P2RX2: variants seen among roughly 807,000 people sequenced by gnomAD.
The protein encoded by P2RX2 is purinergic receptor P2X 2.
A neutral mutation model predicts 54.8 loss-of-function variants in P2RX2; 50 were observed. The ratio of observed to expected loss-of-function variants is 0.91; its 90% confidence interval spans 0.73 to 1.15. The LOEUF (loss-of-function observed/expected upper bound fraction) is 1.15. Ranked by LOEUF, P2RX2 falls within the 50% of genes most tolerant of loss-of-function variation. The pLI, the probability that P2RX2 is intolerant of heterozygous loss-of-function variation, is 0.00. For missense variants in P2RX2, 658 were observed against 633.2 expected (o/e 1.04, Z -0.42); for synonymous variants, 289 against 259.4 (o/e 1.11, Z -1.09).
chr12:132,620,681 G>C (rs918036600), intron 7 of P2RX2, 98 bp downstream of exon 7: 5 of 1,322,314 alleles, frequency 3.8e-6, no homozygotes, highest in Non-Finnish European at 5.2e-6. Flanking sequence ...CTCCTGACCA[G>C]CTGGCCCCGC....
intron 5 of P2RX2, 55 bp from the exon 6 acceptor site, chr12:132,620,212 C>T: frequency 6.4e-7 from 1 of 1,555,284 alleles, no homozygotes; most frequent in Non-Finnish European, 8.9e-7. Flanking sequence ...GGGCCAATGC[C>T]AGGCGGGGGC....
Position 132,621,269 on chromosome 12 carries a change from A to G in P2RX2, c.920A>G (p.Tyr307Cys), listed in dbSNP as rs2138389434. 4 of 1,613,994 alleles carry G rather than the reference A, an allele frequency of 2.5e-6. No individual in the cohort carries two copies. The highest frequency in any genetic ancestry group is 2.2e-5 in the East Asian group (1 of 44,876). ...SGYNFRFAKY[Y>C]KINGTTTRTL... ...TCCCATTGCAGGTTTGCCAAATACTACAAGATCAATGGCACCACCACCCGC... is the reference window on the plus strand; with the variant it reads ...TCCCATTGCAGGTTTGCCAAATACTGCAAGATCAATGGCACCACCACCCGC... Residue 307 changes from tyrosine to cysteine, a missense_variant, in exon 9 of 11, where the codon TAC becomes TGC. Transcript: ENST00000643471.
At position 132,619,443 on chromosome 12, in the gene P2RX2, G is replaced by A. The variant is rs587777692; in HGVS notation, c.178G>A (p.Val60Ile). ...CGGCGCCGCCCCTGCCCGCAGGTAC[G>A]TATTCATCGTGCAGAAAAGCTACCA... The part of the protein sequence containing the change: ...LLILLYFVWY[V>I]FIVQKSYQES... The change falls in exon 2 of 11, where the codon GTA (valine) becomes ATA (isoleucine). Residue 60 changes from valine to isoleucine, a missense_variant. Val to Ile is a conservative substitution (Grantham distance 29). Transcript: ENST00000643471. 1 of 1,611,968 alleles carries A rather than the reference G, an allele frequency of 6.2e-7. No individual in the cohort carries two copies. Among genetic ancestry groups the A allele is most frequent in the Non-Finnish European group, 8.5e-7 (1 of 1,179,272 alleles).
chr12:132,621,540 G>A lies in P2RX2; in HGVS notation c.1062G>A (p.Val354=). 4 of 1,578,424 alleles carry A rather than the reference G, an allele frequency of 2.5e-6. No individual in the cohort carries two copies. Among genetic ancestry groups the A allele is most frequent in the Non-Finnish European group, 2.6e-6 (3 of 1,160,414 alleles). The change falls in exon 10 of 11, where the codon GTG becomes GTA. Residue 354 remains valine (V), a splice_region_variant and synonymous_variant. Coordinates refer to ENST00000643471, the MANE Select transcript of P2RX2 (RefSeq NM_170682.4). ...NLATALTSVG[V]GSFLCDWILL... is the part of the protein sequence containing the mutation. Reference sequence around the variant, plus strand: ...CCACAGCTCTGACTTCCGTCGGGGTGGTAAGGAACCCTCTCTGGGGTCCCA... The same window carrying A: ...CCACAGCTCTGACTTCCGTCGGGGTAGTAAGGAACCCTCTCTGGGGTCCCA...
rs2041586390 is a variant in P2RX2 at position 132,620,062 on chromosome 12, G to A, written c.520G>A (p.Gly174Ser). 4 of 1,588,040 alleles carry A rather than the reference G, an allele frequency of 2.5e-6. No homozygotes were observed. Among genetic ancestry groups the A allele is most frequent in the African/African-American group, 1.3e-5 (1 of 74,564 alleles). The change falls in exon 5 of 11, where the codon GGC becomes AGC. Residue 174 changes from glycine to serine, a missense_variant. Gly to Ser is a moderately conservative substitution (Grantham distance 56). Coordinates refer to ENST00000643471, the MANE Select transcript of P2RX2 (RefSeq NM_170682.4). ...GCCCTCCAAGACCTGCGAGGTGTTC[G>A]GCTGGTGCCCGGTGGAAGATGGGGC... ...QGPSKTCEVF[G>S]WCPVEDGASV...
rs1423738254 is a variant in P2RX2 at position 132,619,743 on chromosome 12, G to A, written c.374G>A (p.Cys125Tyr). 3 of 1,609,372 alleles carry A rather than the reference G, an allele frequency of 1.9e-6. No homozygotes were observed. The highest frequency in any genetic ancestry group is 1.7e-5 in the Admixed American group (1 of 59,648). The change falls in exon 3 of 11, where the codon TGC becomes TAC. Residue 125 changes from cysteine (C) to tyrosine (Y), a missense_variant. Transcript: ENST00000643471. ...ACCCACTCCCAGACCCAGGGAACCTGCCCCGAGGTGAGGGGATCCCGCGGC... is the reference window on the plus strand; with the variant it reads ...ACCCACTCCCAGACCCAGGGAACCTACCCCGAGGTGAGGGGATCCCGCGGC... ...EATHSQTQGT[C>Y]PESIRVHNAT...
At position 132,620,898 on chromosome 12, in the gene P2RX2, CGTGTGCCCTTGT is replaced by C; in HGVS notation, c.775-101_775-90del. The C allele has an allele frequency of 3.4e-5, 9 of 267,590 alleles. 2 individuals are homozygous for C. Among genetic ancestry groups the C allele is most frequent in the Non-Finnish European group, 4.2e-5 (9 of 212,354 alleles). 16.6% of individuals were successfully genotyped at this position (267,590 alleles called of 1,614,324 possible). ...TGACCCGGGCTCTCGAGGGGCCTCT[CGTGTGCCCTTGT>C]GACCCCCTTCCCTGGCCTGGGACTG... On this transcript the variant is annotated intron_variant, in intron 7 of 10. Coordinates refer to ENST00000643471, the MANE Select transcript of P2RX2 (RefSeq NM_170682.4).
intron 6 of P2RX2, 25 bp downstream of exon 6, chr12:132,620,372 G>A: frequency 1.2e-6 from 2 of 1,613,700 alleles, no homozygotes; most frequent in South Asian, 1.1e-5. Context: ...GTGTGGTGAC[G>A]GCCCAGCCTG....
Position 132,619,646 on chromosome 12 carries a change from G to A in P2RX2, c.310-33G>A, listed in dbSNP as rs1236310447. 6 of 1,581,812 alleles carry A rather than the reference G, an allele frequency of 3.8e-6. No individual in the cohort carries two copies. In the African/African-American group the frequency reaches 5.4e-5, roughly 14 times the overall value. ...GTGGGCGGAGGGGGCAGCGGCTGCC[G>A]CCTGGCCGACCGCCCCCTCTTTCTG... On this transcript the variant is annotated intron_variant, in intron 2 of 10. Transcript: ENST00000643471.
Position 132,620,895 on chromosome 12 carries a change from TCTCGTGTGCCCTTGTG to T in P2RX2, c.775-105_775-90del. On this transcript the variant is annotated intron_variant, in intron 7 of 10. Coordinates refer to ENST00000643471, the MANE Select transcript of P2RX2 (RefSeq NM_170682.4). ...GACTGACCCGGGCTCTCGAGGGGCCTCTCGTGTGCCCTTGTGACCCCCTTCCCTGGCCTGGGACTGA... is the reference window on the plus strand; with the variant it reads ...GACTGACCCGGGCTCTCGAGGGGCCTACCCCCTTCCCTGGCCTGGGACTGA... 15 of 347,546 alleles carry T rather than the reference TCTCGTGTGCCCTTGTG, an allele frequency of 4.3e-5. 1 individual carries two copies. Among genetic ancestry groups the T allele is most frequent in the East Asian group, 2.7e-4 (1 of 3,718 alleles). 21.5% of individuals were successfully genotyped at this position (347,546 alleles called of 1,614,324 possible). A position where few individuals can be genotyped will look rare whatever the true frequency, so the allele number is the denominator to read the frequency against.
intron 1 of P2RX2, 25 bp from the exon 2 acceptor site, chr12:132,619,414 G>C (rs2041539510): frequency 1.2e-6 from 2 of 1,610,646 alleles, no homozygotes; most frequent in African/African-American, 2.7e-5. Context: ...GTCGCCTCCG[G>C]AGCCGGCGCC....
At position 132,621,122 on chromosome 12, in the gene P2RX2, A is replaced by C. The variant is rs2041656383; in HGVS notation, c.896A>C (p.Tyr299Ser). 1.9e-6 allele frequency: 3 copies of C among 1,614,100 alleles called. No homozygotes were observed. Among genetic ancestry groups the C allele is most frequent in the Non-Finnish European group, 2.5e-6 (3 of 1,180,002 alleles). The change falls in exon 8 of 11, where the codon TAC (tyrosine) becomes TCC (serine). Residue 299 changes from tyrosine to serine, a missense_variant. By Grantham distance (144) the Tyr-to-Ser change is moderately radical (BLOSUM62 -2). Transcript: ENST00000643471. ...AAGCACGTGCCTGCCTCGTCAGGCT[A>C]CAACTTCAGGTGCTGTACTTGGGAC... ...DPKHVPASSG[Y>S]NFRFAKYYKI...
At position 132,621,682 on chromosome 12, in the gene P2RX2, A is replaced by G; in HGVS notation, c.1126A>G (p.Lys376Glu). Residue 376 changes from lysine (K) to glutamate (E), a missense_variant, in exon 11 of 11, where the codon AAG (lysine) becomes GAG (glutamate). Lys to Glu is a moderately conservative substitution (Grantham distance 56, BLOSUM62 1). Coordinates refer to ENST00000643471, the MANE Select transcript of P2RX2 (RefSeq NM_170682.4). The stretch of plus-strand genomic sequence containing the variant: ...GAACAAAAACAAGGTCTACAGCCAT[A>G]AGAAATTTGACAAGGTGTGTACGCC... ...FMNKNKVYSH[K>E]KFDKVCTPSH... 6.2e-7 allele frequency: 1 copy of G among 1,613,800 alleles called. No homozygotes were observed.
At position 132,621,973 on chromosome 12, in the gene P2RX2, G is replaced by A; in HGVS notation, c.*1G>A. 6.2e-7 allele frequency: 1 copy of A among 1,613,646 alleles called. No homozygotes were observed. Among genetic ancestry groups the A allele is most frequent in the Non-Finnish European group, 8.5e-7 (1 of 1,180,018 alleles). On this transcript the variant is annotated 3_prime_UTR_variant, in exon 11 of 11. Transcript: ENST00000643471. ...CCCCAAAGGTTTGGCTCAACTCTGAGCTCCTTTCCATCTCACTGGACTGCA... is the reference window on the plus strand; with the variant it reads ...CCCCAAAGGTTTGGCTCAACTCTGAACTCCTTTCCATCTCACTGGACTGCA...
Position 132,622,182 on chromosome 12 carries a change from G to A in P2RX2, c.*210G>A, listed in dbSNP as rs2041729784. The stretch of plus-strand genomic sequence containing the variant: ...TACAGCCCCTGACACCTCCTCCCCA[G>A]CTGGTCCCTACAGGGCTGCTCACTT... On this transcript the variant is annotated 3_prime_UTR_variant, in exon 11 of 11. Coordinates refer to ENST00000643471, the MANE Select transcript of P2RX2 (RefSeq NM_170682.4). 2 of 1,432,030 alleles carry A rather than the reference G, an allele frequency of 1.4e-6. No individual in the cohort carries two copies. The highest frequency in any genetic ancestry group is 1.5e-5 in the South Asian group (1 of 67,330). The allele number at this position is 1,432,030 out of a possible 1,614,324, so 88.7% of individuals were successfully genotyped here.
intron 8 of P2RX2, 45 bp from the exon 9 acceptor site, chr12:132,621,210 C>G (rs1348106751): frequency 1.2e-6 from 2 of 1,613,754 alleles, no homozygotes; most frequent in Non-Finnish European, 1.7e-6. Context: ...TGTGGGGCAG[C>G]CCTGGAGTGC....
At chr12:132,621,571 T>G (rs1566299846) in intron 10 of P2RX2, 31 bp downstream of exon 10, 1 of 1,600,552 alleles carries the variant, frequency 6.2e-7, no homozygotes, top group African/African-American at 1.3e-5. Context: ...TCCCAGCGGG[T>G]GCGGGGGGTC....
rs749812549 is a variant in P2RX2 at position 132,621,646 on chromosome 12, C to G, written c.1090C>G (p.Leu364Val). The G allele has an allele frequency of 6.2e-7, 1 of 1,613,686 alleles. No homozygotes were observed. Among genetic ancestry groups the G allele is most frequent in the Admixed American group, 1.7e-5 (1 of 59,970 alleles). ...CTCCTTCCTGTGCGACTGGATCTTG[C>G]TAACATTCATGAACAAAAACAAGGT... Reference protein sequence around the residue: ...VGSFLCDWILLTFMNKNKVYS... With the variant: ...VGSFLCDWILVTFMNKNKVYS... Residue 364 changes from leucine (L) to valine (V), a missense_variant, in exon 11 of 11, where the codon CTA (leucine) becomes GTA (valine). By Grantham distance (32) the Leu-to-Val change is conservative. Coordinates refer to ENST00000643471, the MANE Select transcript of P2RX2 (RefSeq NM_170682.4).
Position 132,619,769 on chromosome 12 carries a change from G to A in P2RX2, c.381+19G>A. On this transcript the variant is annotated intron_variant, in intron 3 of 10. Coordinates refer to ENST00000643471, the MANE Select transcript of P2RX2 (RefSeq NM_170682.4). Reference sequence around the variant, plus strand: ...CCCCGAGGTGAGGGGATCCCGCGGCGCTGGGGGACCCCGCCTCAGCTAGGC... The same window carrying A: ...CCCCGAGGTGAGGGGATCCCGCGGCACTGGGGGACCCCGCCTCAGCTAGGC... 1.9e-6 allele frequency: 3 copies of A among 1,610,256 alleles called. No individual in the cohort carries two copies. Among genetic ancestry groups the A allele is most frequent in the Non-Finnish European group, 2.5e-6 (3 of 1,178,668 alleles).
Sources: gnomAD v4.1 joint callset for allele counts on GRCh38, gnomAD v4.1.1 for gene constraint, MANE v1.5 for transcripts, NCBI Gene and HGNC (gene_info 2026-07-23, HGNC 2026-07-21) for gene names.